The following SLC9C1 variants were observed in gnomAD, a reference collection of about 807,000 sequenced individuals.
The protein encoded by SLC9C1 is solute carrier family 9 member C1.
A neutral mutation model predicts 140.9 loss-of-function variants in SLC9C1; 97 were observed. The observed-to-expected ratio is 0.69, with a 90% CI of 0.58 to 0.82. SLC9C1 has a LOEUF of 0.82. SLC9C1 is among the 40% of genes least tolerant of loss of function. The pLI, the probability that SLC9C1 is intolerant of heterozygous loss-of-function variation, is 0.00. For missense variants in SLC9C1, 1,340 were observed against 1,389.3 expected, an observed-to-expected ratio of 0.96 and a Z score of 0.56; for synonymous variants, 440 against 442.6, an observed-to-expected ratio of 0.99 and a Z score of 0.07.
chr3:112,172,107 A>G (rs992568518), intron 23 of SLC9C1, among the ~76,000 whole-genome samples: 1 of 152,108 alleles, frequency 6.6e-6, no homozygotes, highest in African/African-American at 2.4e-5. Flanking sequence ...TATTCTACAA[A>G]AAGAGTCTGT....
rs1482938588 is a variant in SLC9C1 at position 112,271,270 on chromosome 3, G to A, written c.614-1193C>T. Reference sequence around the variant, plus strand: ...AGATCTATTCCACAGCAAAGTGACTGTAGTCAATGATAATGTATTGGTATT... The same window carrying A: ...AGATCTATTCCACAGCAAAGTGACTATAGTCAATGATAATGTATTGGTATT... On this transcript the variant is annotated intron_variant, in intron 6 of 28. Transcript: ENST00000305815. Among the ~76,000 whole-genome samples, 8 of 151,896 alleles carry A rather than the reference G, an allele frequency of 5.3e-5. No homozygotes were observed. The South Asian group carries it at 1.0e-3, about 20-fold the overall frequency.
chr3:112,195,505 G>A (rs113853913), intron 20 of SLC9C1, among the ~76,000 whole-genome samples: 71 of 151,890 alleles, frequency 4.7e-4, no homozygotes, highest in African/African-American at 1.6e-3. Flanking sequence ...TTTTTGTATA[G>A]CTTTTCTAAA....
At chr3:112,148,939 T>TG (rs1263557175) in intron 28 of SLC9C1, among the ~76,000 whole-genome samples, 5 of 151,630 alleles carry the variant, frequency 3.3e-5, no homozygotes, top group Non-Finnish European at 5.9e-5. Context: ...TGCACAGGGA[T>TG]GGGGGCAGCC....
At chr3:112,281,363 G>A (rs1009360684) in intron 2 of SLC9C1, among the ~76,000 whole-genome samples, 3 of 152,156 alleles carry the variant, frequency 2.0e-5, no homozygotes, top group African/African-American at 7.2e-5. Flanking sequence ...ATGGGTCTCC[G>A]GGTGCAGTCT....
chr3:112,225,770 G>C (rs1361679496), intron 13 of SLC9C1, among the ~76,000 whole-genome samples: 3 of 148,238 alleles, frequency 2.0e-5, no homozygotes, highest in African/African-American at 7.5e-5. Context: ...ATCAGGAGTA[G>C]TTATATAGCT....
chr3:112,196,388 T>C (rs2077768789), intron 20 of SLC9C1, among the ~76,000 whole-genome samples: 1 of 152,104 alleles, frequency 6.6e-6, no homozygotes, highest in Non-Finnish European at 1.5e-5. Context: ...TCATCCTACT[T>C]GGAATTTGTT....
At chr3:112,247,124 T>C (rs1225947233) in intron 10 of SLC9C1, among the ~76,000 whole-genome samples, 1 of 152,158 alleles carries the variant, frequency 6.6e-6, no homozygotes, top group African/African-American at 2.4e-5. Flanking sequence ...AGGAGAATAA[T>C]AAATATTGAA....
At chr3:112,260,082 G>T (rs2079730072) in intron 10 of SLC9C1, among the ~76,000 whole-genome samples, 1 of 151,930 alleles carries the variant, frequency 6.6e-6, no homozygotes, top group African/African-American at 2.4e-5. Flanking sequence ...TCTATAATTT[G>T]TTGAGTTATA....
intron 27 of SLC9C1, 139 bp downstream of exon 27, chr3:112,154,858 A>T: frequency 1.4e-6 from 1 of 717,812 alleles, no homozygotes. Context: ...GTGCTAAAAT[A>T]AGTGTTTTAC....
At chr3:112,230,537 T>A (rs571631608) in intron 13 of SLC9C1, among the ~76,000 whole-genome samples, 1 of 152,202 alleles carries the variant, frequency 6.6e-6, no homozygotes, top group Non-Finnish European at 1.5e-5. Context: ...TTAAAGAAGT[T>A]ATTTATGTCC....
chr3:112,199,713 T>TC (rs2077858567), intron 19 of SLC9C1, among the ~76,000 whole-genome samples: 1 of 152,020 alleles, frequency 6.6e-6, no homozygotes, highest in Non-Finnish European at 1.5e-5. Flanking sequence ...ATAGGTAGCT[T>TC]CGTTTCTAGG....
At chr3:112,180,531 A>C in intron 22 of SLC9C1, 33 bp downstream of exon 22, 1 of 1,564,942 alleles carries the variant, frequency 6.4e-7, no homozygotes, top group Non-Finnish European at 8.7e-7. Flanking sequence ...CTCAAAACAA[A>C]AAAACAAAAC....
At chr3:112,233,618 C>A (rs1206607310) in intron 12 of SLC9C1, among the ~76,000 whole-genome samples, 1 of 149,328 alleles carries the variant, frequency 6.7e-6, no homozygotes, top group African/African-American at 2.5e-5. Context: ...TCTCGTAATG[C>A]TATCCCTCCC....
At chr3:112,174,116 C>T (rs2077294235) in intron 23 of SLC9C1, among the ~76,000 whole-genome samples, 1 of 152,156 alleles carries the variant, frequency 6.6e-6, no homozygotes, top group South Asian at 2.1e-4. Flanking sequence ...ATGGTTTGCC[C>T]ACTTTTTAAT....
chr3:112,180,580 A>C lies in SLC9C1; in HGVS notation c.2732T>G (p.Ile911Ser). The change falls in exon 22 of 29, where the codon ATT becomes AGT. Residue 911 changes from isoleucine to serine, a missense_variant. Coordinates refer to ENST00000305815, the MANE Select transcript of SLC9C1 (RefSeq NM_183061.3). ...GDEPKGIYIIISGMVKLEKSK... is the reference protein window; with the variant it reads ...GDEPKGIYIISSGMVKLEKSK... ...CTGCCTTACCTTTACCATGCCTGAA[A>C]TAATGATATAGATTCCTTTGGGCTC... The C allele has an allele frequency of 6.2e-7, 1 of 1,608,500 alleles. No individual in the cohort carries two copies. Among genetic ancestry groups the C allele is most frequent in the Non-Finnish European group, 8.5e-7 (1 of 1,178,544 alleles).
At chr3:112,160,234 T>C (rs1014166699) in intron 26 of SLC9C1, among the ~76,000 whole-genome samples, 23 of 151,036 alleles carry the variant, frequency 1.5e-4, no homozygotes, top group Non-Finnish European at 3.1e-4. Flanking sequence ...ATTTTGTATT[T>C]ATTTTTTATT....
At chr3:112,288,452 C>A (rs1355834240) in intron 1 of SLC9C1, among the ~76,000 whole-genome samples, 1 of 152,132 alleles carries the variant, frequency 6.6e-6, no homozygotes, top group African/African-American at 2.4e-5. Flanking sequence ...AACATATTAC[C>A]ACCAAGGTAA....
chr3:112,254,485 A>T (rs4481127), intron 10 of SLC9C1, among the ~76,000 whole-genome samples: 1 of 149,532 alleles, frequency 6.7e-6, no homozygotes, highest in Admixed American at 6.7e-5. Flanking sequence ...ATCCAGCCAA[A>T]CTAAGCTTCC....
chr3:112,175,499 T>C (rs954004873), intron 23 of SLC9C1, among the ~76,000 whole-genome samples: 4 of 152,168 alleles, frequency 2.6e-5, no homozygotes, highest in African/African-American at 9.7e-5. Context: ...GGAGGTCCAC[T>C]CCAGCCTTCA....
Sources: allele counts gnomAD v4.1 joint callset (sites outside exome capture counted in the v4.1 genomes callset), GRCh38; gene constraint gnomAD v4.1.1; transcripts MANE v1.5; gene names NCBI Gene and HGNC (gene_info 2026-07-23, HGNC 2026-07-21).